The following TFAP2B variants were observed in gnomAD, a reference collection of about 807,000 sequenced individuals.
TFAP2B encodes transcription factor AP-2 beta, also known as transcription factor AP-2-beta.
Under a neutral mutation model 44.3 loss-of-function variants are expected in TFAP2B, and 9 were observed. The ratio of observed to expected loss-of-function variants is 0.20; its 90% CI spans 0.12 to 0.35. The LOEUF (loss-of-function observed/expected upper bound fraction) is 0.35. TFAP2B is among the 10% of genes least tolerant of loss of function. TFAP2B has a pLI of 1.00. For synonymous variants in TFAP2B, 270 were observed against 263.8 expected (o/e 1.02, Z -0.23); for missense variants, 509 against 600.0 (o/e 0.85, Z 1.59).
At position 50,844,528 on chromosome 6, in the gene TFAP2B, A is replaced by G. The variant is rs1175578382; in HGVS notation, c.*1136A>G. 2 of 152,658 alleles carry G rather than the reference A, an allele frequency of 1.3e-5. No individual in the cohort carries two copies. Among genetic ancestry groups the G allele is most frequent in the African/African-American group, 4.8e-5 (2 of 41,466 alleles). The allele number at this position is 152,658 out of a possible 1,614,324, so 9.5% of individuals were successfully genotyped here. On this transcript the variant is annotated 3_prime_UTR_variant, in exon 7 of 7. Transcript: ENST00000393655. ...CAGAATTCTGCAGGTGCACTTCTTT[A>G]AAGAAGCTCAAAGGGAATAATTTAG...
intron 3 of TFAP2B, among the ~76,000 whole-genome samples, chr6:50,832,489 G>A (rs1467030823): frequency 6.6e-6 from 1 of 152,108 alleles, no homozygotes; most frequent in Non-Finnish European, 1.5e-5. Context: ...TATAGTTGTG[G>A]AATAAAATTT....
intron 6 of TFAP2B, among the ~76,000 whole-genome samples, chr6:50,841,239 ATG>A (rs939611565): frequency 6.6e-6 from 1 of 152,206 alleles, no homozygotes; most frequent in African/African-American, 2.4e-5. Context: ...CCAGTTCAGA[ATG>A]TCTTTTTTGG....
At chr6:50,826,172 C>T (rs371256851) in intron 2 of TFAP2B, among the ~76,000 whole-genome samples, 1 of 152,030 alleles carries the variant, frequency 6.6e-6, no homozygotes, top group East Asian at 1.9e-4. Context: ...GTGGCCTGCA[C>T]TGGTCCAGTC....
At chr6:50,839,637 T>C (rs1400517044) in intron 5 of TFAP2B, among the ~76,000 whole-genome samples, 4 of 152,228 alleles carry the variant, frequency 2.6e-5, no homozygotes, top group Admixed American at 6.5e-5. Context: ...AGAATTATTA[T>C]TTCATTGCAG....
At chr6:50,837,852 G>GA (rs1762653064) in intron 4 of TFAP2B, 123 bp from the exon 5 acceptor site, 2 of 831,128 alleles carry the variant, frequency 2.4e-6, no homozygotes, top group South Asian at 2.7e-5. Flanking sequence ...AAGGAAGGGG[G>GA]AAAAATGTGC....
At chr6:50,824,889 A>C (rs1033222608) in intron 2 of TFAP2B, among the ~76,000 whole-genome samples, 1 of 152,252 alleles carries the variant, frequency 6.6e-6, no homozygotes, top group Non-Finnish European at 1.5e-5. Flanking sequence ...GGCAGAAAAG[A>C]TAAATATAGT....
chr6:50,821,514 A>C (rs918617641), intron 1 of TFAP2B, among the ~76,000 whole-genome samples: 2 of 152,086 alleles, frequency 1.3e-5, no homozygotes, highest in South Asian at 2.1e-4. Context: ...ACCTCCCAGC[A>C]CTGTTCTCCC....
chr6:50,836,541 C>T (rs1250351467), intron 4 of TFAP2B, among the ~76,000 whole-genome samples: 2 of 152,202 alleles, frequency 1.3e-5, no homozygotes, highest in South Asian at 4.1e-4. Context: ...CAGATTTTGC[C>T]GCCCTGGGAA....
At chr6:50,822,368 T>C (rs1003265642) in intron 1 of TFAP2B, among the ~76,000 whole-genome samples, 2 of 152,102 alleles carry the variant, frequency 1.3e-5, no homozygotes, top group Non-Finnish European at 2.9e-5. Context: ...CTGAGCTCCA[T>C]GAGTCAGCTG....
intron 2 of TFAP2B, among the ~76,000 whole-genome samples, 164 bp downstream of exon 2, chr6:50,824,029 T>C (rs899646512): frequency 1.3e-5 from 2 of 152,226 alleles, no homozygotes; most frequent in Non-Finnish European, 2.9e-5. Context: ...TGTGTGTCTG[T>C]ATGTATGGCT....
intron 1 of TFAP2B, chr6:50,822,255 CTCTG>C: frequency 2.9e-6 from 3 of 1,041,546 alleles, no homozygotes; most frequent in South Asian, 1.3e-5. Context: ...GTCTCACACT[CTCTG>C]TCTCTCTCTG....
chr6:50,838,397 T>A (rs889602361), intron 5 of TFAP2B, among the ~76,000 whole-genome samples: 5 of 152,204 alleles, frequency 3.3e-5, no homozygotes, highest in Non-Finnish European at 5.9e-5. Flanking sequence ...CTATGTGAAC[T>A]CTTGCAAGAG....
intron 3 of TFAP2B, among the ~76,000 whole-genome samples, chr6:50,831,662 G>C (rs1246027028): frequency 6.6e-6 from 1 of 151,696 alleles, no homozygotes; most frequent in Non-Finnish European, 1.5e-5. Flanking sequence ...TAGAAATCTG[G>C]GGGGAGGAAG....
chr6:50,842,931 G>A (rs541078081), intron 6 of TFAP2B, among the ~76,000 whole-genome samples, 161 bp from the exon 7 acceptor site: 3 of 152,220 alleles, frequency 2.0e-5, no homozygotes, highest in African/African-American at 7.2e-5. Context: ...CCAGCTGCTC[G>A]AGAAGGGAGG....
Position 50,836,225 on chromosome 6 carries a change from C to T in TFAP2B, c.766C>T (p.Arg256Trp). Reference sequence around the variant, plus strand: ...AGTAACTGTGGGAGAAGTTCAGAGACGGCTGTCGCCCCCTGAATGCCTCAA... The same window carrying T: ...AGTAACTGTGGGAGAAGTTCAGAGATGGCTGTCGCCCCCTGAATGCCTCAA... ...YKVTVGEVQRRLSPPECLNAS... is the reference protein window; with the variant it reads ...YKVTVGEVQRWLSPPECLNAS... Residue 256 changes from arginine (R) to tryptophan (W), a missense_variant, in exon 4 of 7, where the codon CGG (arginine) becomes TGG (tryptophan). Physicochemically the swap from Arg to Trp is moderately radical, Grantham distance 101. Coordinates refer to ENST00000393655, the MANE Select transcript of TFAP2B (RefSeq NM_003221.4). 1 of 1,613,138 alleles carries T rather than the reference C, an allele frequency of 6.2e-7. No individual in the cohort carries two copies. Among genetic ancestry groups the T allele is most frequent in the Non-Finnish European group, 8.5e-7 (1 of 1,180,038 alleles).
chr6:50,820,519 G>C (rs1041458878), intron 1 of TFAP2B, among the ~76,000 whole-genome samples: 1 of 152,252 alleles, frequency 6.6e-6, no homozygotes, highest in Non-Finnish European at 1.5e-5. Context: ...GAGAGAGATT[G>C]GTCTTGTTGC....
intron 3 of TFAP2B, among the ~76,000 whole-genome samples, chr6:50,832,826 G>T (rs568111838): frequency 6.6e-5 from 10 of 152,256 alleles, no homozygotes; most frequent in Middle Eastern, 3.4e-3. Context: ...GTCAACTAAT[G>T]AATAGTATTT....
intron 2 of TFAP2B, among the ~76,000 whole-genome samples, chr6:50,828,278 G>T (rs536858563): frequency 5.5e-4 from 83 of 152,152 alleles, no homozygotes; most frequent in African/African-American, 1.9e-3. Flanking sequence ...TACTAATATT[G>T]GTGAAAATCT....
At chr6:50,828,822 G>T in intron 3 of TFAP2B, 143 bp downstream of exon 3, 1 of 957,234 alleles carries the variant, frequency 1.0e-6, no homozygotes, top group Non-Finnish European at 1.6e-6. Context: ...TGTCAGATTA[G>T]GGGAAAGGGC....
Sources: gnomAD v4.1 joint callset for allele counts (sites outside exome capture counted in the v4.1 genomes callset) on GRCh38, gnomAD v4.1.1 for gene constraint, MANE v1.5 for transcripts, NCBI Gene and HGNC (gene_info 2026-07-23, HGNC 2026-07-21) for gene names.